The following SORCS3 variants were observed in gnomAD, a reference collection of about 807,000 sequenced individuals.
SORCS3 encodes the protein sortilin related VPS10 domain containing receptor 3.
A neutral mutation model predicts 146.3 loss-of-function variants in SORCS3; 57 were observed. That is an observed-to-expected ratio of 0.39 (90% confidence interval 0.31 to 0.49). The LOEUF (loss-of-function observed/expected upper bound fraction) is 0.49, where lower values mean the gene tolerates loss of function less well. Ranked by LOEUF, SORCS3 falls within the 20% of genes least tolerant of loss-of-function variation. SORCS3 has a pLI of 0.92. For synonymous variants in SORCS3, 653 were observed against 618.5 expected, an observed-to-expected ratio of 1.06 and a Z score of -0.83; for missense variants, 1,341 against 1,575.5, an observed-to-expected ratio of 0.85 and a Z score of 2.52.
At chr10:105,148,781 G>C (rs1269484702) in intron 9 of SORCS3, among the ~76,000 whole-genome samples, 2 of 152,030 alleles carry the variant, frequency 1.3e-5, no homozygotes, top group African/African-American at 4.8e-5. Flanking sequence ...CCTCTAAGCA[G>C]TGCCTGTCAA....
At chr10:104,936,982 A>G (rs1037592890) in intron 3 of SORCS3, among the ~76,000 whole-genome samples, 1 of 152,172 alleles carries the variant, frequency 6.6e-6, no homozygotes, top group Non-Finnish European at 1.5e-5. Flanking sequence ...GTGGTCCCCA[A>G]CCTTTTTGGT....
At chr10:105,093,077 G>A (rs1589629171) in intron 6 of SORCS3, among the ~76,000 whole-genome samples, 1 of 152,088 alleles carries the variant, frequency 6.6e-6, no homozygotes, top group African/African-American at 2.4e-5. Flanking sequence ...AAATCCTAAG[G>A]TATCCATAAG....
intron 4 of SORCS3, among the ~76,000 whole-genome samples, chr10:104,995,611 G>T (rs1264682128): frequency 6.6e-6 from 1 of 152,138 alleles, no homozygotes; most frequent in East Asian, 1.9e-4. Context: ...TGGGCAACTT[G>T]TGTTCTTACT....
intron 14 of SORCS3, 40 bp downstream of exon 14, chr10:105,178,213 A>T: frequency 6.7e-7 from 1 of 1,489,476 alleles, no homozygotes; most frequent in Non-Finnish European, 9.3e-7. Flanking sequence ...AAGACCAGAG[A>T]CACTGGTTCT....
At chr10:104,683,252 C>T (rs1335398972) in intron 1 of SORCS3, among the ~76,000 whole-genome samples, 1 of 152,308 alleles carries the variant, frequency 6.6e-6, no homozygotes, top group African/African-American at 2.4e-5. Context: ...GCACAGTACT[C>T]AAATAGGAAG....
intron 3 of SORCS3, among the ~76,000 whole-genome samples, chr10:104,957,491 C>T (rs2133631693): frequency 6.6e-6 from 1 of 151,980 alleles, no homozygotes; most frequent in Non-Finnish European, 1.5e-5. Flanking sequence ...TCCTTAATAA[C>T]AACAAAAAGT....
At chr10:104,899,782 T>C (rs1037241942) in intron 2 of SORCS3, among the ~76,000 whole-genome samples, 8 of 152,168 alleles carry the variant, frequency 5.3e-5, no homozygotes, top group Non-Finnish European at 8.8e-5. Context: ...AAGATAATAA[T>C]AATAGAAGGC....
intron 1 of SORCS3, among the ~76,000 whole-genome samples, chr10:104,673,863 A>G (rs1589453614): frequency 6.6e-6 from 1 of 152,336 alleles, no homozygotes; most frequent in East Asian, 1.9e-4. Flanking sequence ...AACTTCAATA[A>G]CATAAAAAAC....
intron 4 of SORCS3, among the ~76,000 whole-genome samples, chr10:105,003,762 G>T (rs2055075961): frequency 6.6e-6 from 1 of 152,022 alleles, no homozygotes; most frequent in Admixed American, 6.6e-5. Flanking sequence ...TATTCCATGG[G>T]CTCCTTCCTG....
intron 1 of SORCS3, among the ~76,000 whole-genome samples, chr10:104,839,178 C>G (rs1397945336): frequency 6.6e-6 from 1 of 152,110 alleles, no homozygotes; most frequent in Non-Finnish European, 1.5e-5. Flanking sequence ...AAACACAATC[C>G]CTACCTTAAG....
chr10:105,025,674 C>T (rs952113248), intron 4 of SORCS3, among the ~76,000 whole-genome samples: 4 of 151,970 alleles, frequency 2.6e-5, no homozygotes, highest in African/African-American at 7.3e-5. Flanking sequence ...TTTTAATAGT[C>T]GCCTGTTTGG....
At chr10:104,731,897 C>T (rs1226394296) in intron 1 of SORCS3, among the ~76,000 whole-genome samples, 3 of 152,202 alleles carry the variant, frequency 2.0e-5, no homozygotes, top group Non-Finnish European at 4.4e-5. Flanking sequence ...ATTGATCCCA[C>T]CTTCCAGCTA....
At chr10:105,211,090 A>G (rs1554886958) in intron 16 of SORCS3, 47 bp from the exon 17 acceptor site, 1 of 1,360,806 alleles carries the variant, frequency 7.3e-7, no homozygotes, top group Non-Finnish European at 1.1e-6. Context: ...CGGTTATTTT[A>G]GCGTTTGTAC....
intron 3 of SORCS3, among the ~76,000 whole-genome samples, chr10:104,929,405 T>A (rs1327866505): frequency 6.6e-6 from 1 of 152,192 alleles, no homozygotes; most frequent in African/African-American, 2.4e-5. Flanking sequence ...AATCTATACT[T>A]CTTTATATCA....
At chr10:105,114,983 C>G (rs1388072100) in intron 7 of SORCS3, among the ~76,000 whole-genome samples, 1 of 151,984 alleles carries the variant, frequency 6.6e-6, no homozygotes, top group African/African-American at 2.4e-5. Context: ...GGGAGATGTT[C>G]CAGAAGTACT....
At chr10:104,965,342 T>A (rs989392803) in intron 3 of SORCS3, among the ~76,000 whole-genome samples, 1 of 152,236 alleles carries the variant, frequency 6.6e-6, no homozygotes, top group South Asian at 2.1e-4. Context: ...CCCTCCACAA[T>A]GCTACATTCA....
At chr10:105,004,547 A>G (rs2055082410) in intron 4 of SORCS3, among the ~76,000 whole-genome samples, 1 of 152,066 alleles carries the variant, frequency 6.6e-6, no homozygotes. Flanking sequence ...TAGGAAGTGG[A>G]GCAGATAAAC....
rs571109136 is a variant in SORCS3 at position 104,974,066 on chromosome 10, T to C, written c.796-3269T>C. 4.6e-5 allele frequency among the ~76,000 whole-genome samples: 7 copies of C among 152,284 alleles called. No individual in the cohort carries two copies. In the East Asian group the frequency reaches 1.4e-3, roughly 29 times the overall value. On this transcript the variant is annotated intron_variant, in intron 3 of 26. Coordinates refer to ENST00000369701, the MANE Select transcript of SORCS3 (RefSeq NM_014978.3). The stretch of plus-strand genomic sequence containing the variant: ...TTGCACTGTGGTCTGAGAGACAGTT[T>C]GTTATAATTTCTGTTCTTTTACATT...
chr10:104,866,911 A>G (rs528238848), intron 2 of SORCS3, among the ~76,000 whole-genome samples: 1 of 152,112 alleles, frequency 6.6e-6, no homozygotes, highest in Admixed American at 6.6e-5. Context: ...CTTTAGGAAG[A>G]TTTTCTTGGG....
Sources: gnomAD v4.1 joint callset for allele counts (sites outside exome capture counted in the v4.1 genomes callset) on GRCh38, gnomAD v4.1.1 for gene constraint, MANE v1.5 for transcripts, NCBI Gene and HGNC (gene_info 2026-07-23, HGNC 2026-07-21) for gene names.